The following SLC25A12 variants were observed in gnomAD, a reference collection of about 807,000 sequenced individuals.
The protein encoded by SLC25A12 is electrogenic aspartate/glutamate antiporter SLC25A12, mitochondrial.
A neutral mutation model predicts 83.3 loss-of-function variants in SLC25A12; 32 were observed. The observed-to-expected ratio is 0.38, with a 90% CI of 0.29 to 0.52. SLC25A12 has a LOEUF of 0.52. SLC25A12 is among the 20% of genes least tolerant of loss of function. The pLI, the probability that SLC25A12 is intolerant of heterozygous loss-of-function variation, is 0.84. For missense variants in SLC25A12, 611 were observed against 835.6 expected, an observed-to-expected ratio of 0.73 and a Z score of 3.31; for synonymous variants, 267 against 291.1, an observed-to-expected ratio of 0.92 and a Z score of 0.84.
At chr2:171,873,128 G>A (rs1169297013) in intron 2 of SLC25A12, among the ~76,000 whole-genome samples, 1 of 152,164 alleles carries the variant, frequency 6.6e-6, no homozygotes, top group Non-Finnish European at 1.5e-5. Flanking sequence ...ACTTCGAACA[G>A]GGAGACTGGT....
In SLC25A12 at chr2:171,838,397, C is replaced by A. The variant is rs949718212; in HGVS notation, c.466-1130G>T. Reference sequence around the variant, plus strand: ...GTGGGAATTTTCAATCCATCTACATCATTACATGGATTTGAAATTGGTCCC... The same window carrying A: ...GTGGGAATTTTCAATCCATCTACATAATTACATGGATTTGAAATTGGTCCC... On this transcript the variant is annotated intron_variant, in intron 5 of 17. Coordinates refer to ENST00000422440, the MANE Select transcript of SLC25A12 (RefSeq NM_003705.5). 5.9e-5 allele frequency among the ~76,000 whole-genome samples: 9 copies of A among 152,174 alleles called. No individual in the cohort carries two copies. The East Asian group carries it at 1.7e-3, about 29-fold the overall frequency.
chr2:171,794,962 A>G (rs1365331206), intron 13 of SLC25A12, among the ~76,000 whole-genome samples: 1 of 152,126 alleles, frequency 6.6e-6, no homozygotes, highest in Non-Finnish European at 1.5e-5. Flanking sequence ...TAAAACCCAA[A>G]GCCCTCCCAG....
chr2:171,854,902 T>C (rs1047844171), intron 4 of SLC25A12, among the ~76,000 whole-genome samples: 1 of 152,222 alleles, frequency 6.6e-6, no homozygotes, highest in African/African-American at 2.4e-5. Context: ...TCCATGCCAA[T>C]TCACACTATA....
At chr2:171,820,727 C>CAA (rs375978724) in intron 9 of SLC25A12, among the ~76,000 whole-genome samples, 22 of 109,588 alleles carry the variant, frequency 2.0e-4, no homozygotes, top group African/African-American at 3.4e-4. Flanking sequence ...GACTCCGTCT[C>CAA]AAAAAAAAAA....
Position 171,791,685 on chromosome 2 carries a change from G to T in SLC25A12, c.1447-96C>A, listed in dbSNP as rs960669249. 3.5e-6 allele frequency: 4 copies of T among 1,150,050 alleles called. No homozygotes were observed. The African/African-American group carries it at 4.6e-5, about 13-fold the overall frequency. 71.2% of individuals were successfully genotyped at this position (1,150,050 alleles called of 1,614,324 possible). On this transcript the variant is annotated intron_variant, in intron 14 of 17. Transcript: ENST00000422440. ...GACATTTGTCAGTGACAAGCTTGAG[G>T]TGTCCCTCAGTGACAAGCCTGAGGT...
intron 4 of SLC25A12, among the ~76,000 whole-genome samples, chr2:171,847,332 T>G (rs1285545296): frequency 1.3e-5 from 2 of 152,174 alleles, no homozygotes; most frequent in Non-Finnish European, 2.9e-5. Context: ...ATTCATAAAT[T>G]GCCACTTTAC....
Position 171,855,740 on chromosome 2 carries a change from A to G in SLC25A12, c.325+94T>C, listed in dbSNP as rs920424254. On this transcript the variant is annotated intron_variant, in intron 4 of 17. Transcript: ENST00000422440. ...AAATTCAATTATGGGTCAGATCCCA[A>G]ATAAGCAGTAATCTATATTAGTTAC... 4 of 806,282 alleles carry G rather than the reference A, an allele frequency of 5.0e-6. No individual in the cohort carries two copies. The African/African-American group carries it at 6.8e-5, about 14-fold the overall frequency. The allele number at this position is 806,282 out of a possible 1,614,324, so 49.9% of individuals were successfully genotyped here.
intron 13 of SLC25A12, among the ~76,000 whole-genome samples, chr2:171,809,133 T>C (rs1683900393): frequency 6.6e-6 from 1 of 152,244 alleles, no homozygotes; most frequent in South Asian, 2.1e-4. Context: ...GTTCCAAGTC[T>C]TTGCTATTGT....
At chr2:171,802,107 C>T (rs183726101) in intron 13 of SLC25A12, among the ~76,000 whole-genome samples, 1 of 152,158 alleles carries the variant, frequency 6.6e-6, no homozygotes, top group African/African-American at 2.4e-5. Context: ...TACTGAGCAA[C>T]TGTATACACA....
At chr2:171,828,355 CAACTT>C (rs1291251335) in intron 8 of SLC25A12, among the ~76,000 whole-genome samples, 4 of 152,230 alleles carry the variant, frequency 2.6e-5, no homozygotes, top group African/African-American at 4.8e-5. Context: ...ATGTTTCAGT[CAACTT>C]AAGCCCTCTT....
intron 13 of SLC25A12, among the ~76,000 whole-genome samples, chr2:171,804,741 C>T (rs574770634): frequency 1.2e-3 from 189 of 152,248 alleles, no homozygotes; most frequent in Non-Finnish European, 2.3e-3. Context: ...GACCCTGTCT[C>T]TATGAAAAAC....
intron 3 of SLC25A12, among the ~76,000 whole-genome samples, chr2:171,866,871 C>T (rs1573994799): frequency 6.7e-6 from 1 of 149,768 alleles, no homozygotes; most frequent in African/African-American, 2.5e-5. Context: ...TCCTCACTTC[C>T]CAGACGGGGC....
chr2:171,799,585 G>A (rs1293646092), intron 13 of SLC25A12, among the ~76,000 whole-genome samples: 1 of 152,094 alleles, frequency 6.6e-6, no homozygotes, highest in Non-Finnish European at 1.5e-5. Context: ...GTGTGTATGT[G>A]GTGTGTGTAG....
chr2:171,890,493 G>GTA (rs1306865815), intron 2 of SLC25A12, among the ~76,000 whole-genome samples: 1 of 152,000 alleles, frequency 6.6e-6, no homozygotes, highest in Non-Finnish European at 1.5e-5. Context: ...GTGTGTGTGT[G>GTA]TGTGTGTGTA....
intron 8 of SLC25A12, among the ~76,000 whole-genome samples, chr2:171,832,866 A>G (rs1188572689): frequency 6.6e-6 from 1 of 152,186 alleles, no homozygotes; most frequent in Non-Finnish European, 1.5e-5. Flanking sequence ...TTTTCCTATA[A>G]GAATGTTGTT....
intron 15 of SLC25A12, 22 bp downstream of exon 15, chr2:171,791,429 T>C: frequency 7.5e-6 from 12 of 1,607,600 alleles, no homozygotes; most frequent in Non-Finnish European, 1.0e-5. Flanking sequence ...ATTCTTTCAG[T>C]TAAAAAAAAA....
chr2:171,786,244 C>T (rs925544687), intron 17 of SLC25A12, among the ~76,000 whole-genome samples: 5 of 151,194 alleles, frequency 3.3e-5, no homozygotes, highest in Admixed American at 2.6e-4. Context: ...ATTAGCCAGG[C>T]GCGGTGGTGG....
At chr2:171,798,802 A>AT (rs1683652023) in intron 13 of SLC25A12, among the ~76,000 whole-genome samples, 1 of 152,246 alleles carries the variant, frequency 6.6e-6, no homozygotes, top group Non-Finnish European at 1.5e-5. Context: ...GGTGTTACAA[A>AT]TTAACACTAC....
rs112920954 is a variant in SLC25A12, at chr2:171,814,162, G to GA, written c.1013-666dup. Among the ~76,000 whole-genome samples the GA allele has an allele frequency of 7.5e-3, 1,089 of 146,162 alleles. 4 individuals are homozygous for GA. Among genetic ancestry groups the GA allele is most frequent in the Non-Finnish European group, 0.012 (815 of 66,116 alleles). On this transcript the variant is annotated intron_variant, in intron 10 of 17. Transcript: ENST00000422440. ...CAACTTCTAAAACTGAGAGTGAAAA[G>GA]AAAAAAAAAAGTCTTTTGAGTTCAG...
Sources: gnomAD v4.1 joint callset for allele counts (sites outside exome capture counted in the v4.1 genomes callset) on GRCh38, gnomAD v4.1.1 for gene constraint, MANE v1.5 for transcripts, NCBI Gene and HGNC (gene_info 2026-07-23, HGNC 2026-07-21) for gene names.